AGBL4: variants seen among roughly 807,000 people sequenced by gnomAD.
AGBL4 encodes AGBL carboxypeptidase 4, also known as cytosolic carboxypeptidase 6.
In AGBL4, 58 loss-of-function variants were observed where a neutral mutation model predicts 66.4. The observed-to-expected ratio is 0.87, with a 90% CI of 0.71 to 1.09. The LOEUF is 1.09. Among genes scored for constraint, AGBL4 ranks in the 50% least tolerant of loss-of-function variants. The pLI, the probability that AGBL4 is intolerant of heterozygous loss-of-function variation, is 0.00. For missense variants in AGBL4, 579 were observed against 631.0 expected, an observed-to-expected ratio of 0.92 and a Z score of 0.88; for synonymous variants, 234 against 222.9, an observed-to-expected ratio of 1.05 and a Z score of -0.44.
At chr1:48,894,552 T>A (rs1309806086) in intron 5 of AGBL4, among the ~76,000 whole-genome samples, 2 of 152,168 alleles carry the variant, frequency 1.3e-5, no homozygotes. Context: ...AGCCATTATA[T>A]AAGCACTCTC....
intron 3 of AGBL4, among the ~76,000 whole-genome samples, chr1:49,429,677 C>G (rs1157155529): frequency 6.6e-6 from 1 of 152,036 alleles, no homozygotes; most frequent in Non-Finnish European, 1.5e-5. Flanking sequence ...TATCTTATCA[C>G]TCTTCTGCTT....
At chr1:49,345,389 G>C (rs1645616674) in intron 3 of AGBL4, among the ~76,000 whole-genome samples, 1 of 151,976 alleles carries the variant, frequency 6.6e-6, no homozygotes, top group Admixed American at 6.6e-5. Flanking sequence ...GTCTTGTTTT[G>C]ATCATCTTTA....
At chr1:49,451,653 T>G (rs924058626) in intron 3 of AGBL4, among the ~76,000 whole-genome samples, 3 of 152,008 alleles carry the variant, frequency 2.0e-5, no homozygotes, top group African/African-American at 7.2e-5. Context: ...TTCCAACTTT[T>G]GTTAAAACAT....
At chr1:48,869,591 C>G (rs1648444763) in intron 5 of AGBL4, among the ~76,000 whole-genome samples, 1 of 152,180 alleles carries the variant, frequency 6.6e-6, no homozygotes, top group Admixed American at 6.5e-5. Flanking sequence ...CAGAGTCAGA[C>G]AGGCCTGGGC....
intron 11 of AGBL4, among the ~76,000 whole-genome samples, chr1:48,579,910 C>T (rs2490536): frequency 0.27 from 36,703 of 134,258 alleles, 6,072 homozygotes; most frequent in Non-Finnish European, 0.38. Context: ...AGTGAGACTC[C>T]GCCTCAAAAA....
intron 5 of AGBL4, among the ~76,000 whole-genome samples, chr1:48,998,192 CAAAT>C (rs1230432305): frequency 6.6e-6 from 1 of 152,128 alleles, no homozygotes; most frequent in Admixed American, 6.6e-5. Context: ...ATTTAATAAA[CAAAT>C]AAAGACTTAA....
At chr1:49,759,354 T>C (rs1652134071) in intron 2 of AGBL4, among the ~76,000 whole-genome samples, 1 of 152,130 alleles carries the variant, frequency 6.6e-6, no homozygotes, top group South Asian at 2.1e-4. Context: ...CATTCTAAAA[T>C]ATACCTAGAC....
At chr1:48,860,840 A>G (rs1647399175) in intron 6 of AGBL4, among the ~76,000 whole-genome samples, 1 of 152,238 alleles carries the variant, frequency 6.6e-6, no homozygotes, top group African/African-American at 2.4e-5. Context: ...TCCTTCTCAA[A>G]GTGATCTTAC....
intron 2 of AGBL4, among the ~76,000 whole-genome samples, chr1:49,698,829 T>TA (rs1432611253): frequency 6.6e-6 from 1 of 152,082 alleles, no homozygotes; most frequent in Middle Eastern, 3.2e-3. Flanking sequence ...TTCTTCATAC[T>TA]AAAAAAGTAT....
At chr1:49,368,524 G>A (rs1249308321) in intron 3 of AGBL4, among the ~76,000 whole-genome samples, 1 of 151,876 alleles carries the variant, frequency 6.6e-6, no homozygotes, top group African/African-American at 2.4e-5. Context: ...GAGAGATTCA[G>A]TAACTTGTCA....
intron 8 of AGBL4, among the ~76,000 whole-genome samples, chr1:48,649,604 C>T (rs1645894580): frequency 6.6e-6 from 1 of 152,130 alleles, no homozygotes; most frequent in Admixed American, 6.5e-5. Flanking sequence ...CTTGATCTAT[C>T]ATGGTATAGT....
intron 1 of AGBL4, among the ~76,000 whole-genome samples, chr1:49,878,025 TTG>T (rs1358167425): frequency 9.2e-5 from 14 of 152,062 alleles, no homozygotes; most frequent in Non-Finnish European, 2.1e-4. Flanking sequence ...TCATTTTTTA[TTG>T]TGTCTCTTTG....
intron 3 of AGBL4, among the ~76,000 whole-genome samples, chr1:49,676,314 A>G (rs911167874): frequency 6.6e-6 from 1 of 152,024 alleles, no homozygotes; most frequent in Non-Finnish European, 1.5e-5. Flanking sequence ...GTCTGTATTC[A>G]TCACCTTTTA....
chr1:49,127,380 A>G (rs1222342076), intron 4 of AGBL4, among the ~76,000 whole-genome samples: 2 of 152,138 alleles, frequency 1.3e-5, no homozygotes, highest in African/African-American at 4.8e-5. Flanking sequence ...ACAAATCACC[A>G]CTAAGTAACT....
intron 3 of AGBL4, among the ~76,000 whole-genome samples, chr1:49,627,612 C>T (rs1047535235): frequency 1.3e-5 from 2 of 152,176 alleles, no homozygotes; most frequent in Admixed American, 6.6e-5. Flanking sequence ...TAGTCCCTGG[C>T]TGATAGGATG....
chr1:49,416,563 A>C (rs1206600142), intron 3 of AGBL4, among the ~76,000 whole-genome samples: 1 of 152,132 alleles, frequency 6.6e-6, no homozygotes, highest in Admixed American at 6.6e-5. Flanking sequence ...GTTACAACAT[A>C]ATGTTTAAGA....
intron 4 of AGBL4, among the ~76,000 whole-genome samples, chr1:49,090,407 A>T (rs913823186): frequency 1.3e-5 from 2 of 152,164 alleles, no homozygotes; most frequent in African/African-American, 2.4e-5. Flanking sequence ...TGCAAAATCA[A>T]TGTACAATAA....
At chr1:48,727,398 ATT>A (rs1359803987) in intron 6 of AGBL4, 1 of 152,100 alleles carries the variant, frequency 6.6e-6, no homozygotes, top group Non-Finnish European at 1.5e-5. Context: ...TCTCTTAGGA[ATT>A]TTCTCTCCTT....
At chr1:48,805,531 C>A (rs1243691120) in intron 6 of AGBL4, among the ~76,000 whole-genome samples, 3 of 152,100 alleles carry the variant, frequency 2.0e-5, no homozygotes, top group African/African-American at 7.2e-5. Context: ...AGTCAAAGTA[C>A]CTGCCAGATT....
Sources: allele counts gnomAD v4.1 joint callset (sites outside exome capture counted in the v4.1 genomes callset), GRCh38; gene constraint gnomAD v4.1.1; transcripts MANE v1.5; gene names NCBI Gene and HGNC (gene_info 2026-07-23, HGNC 2026-07-21).